The following PLXNA4 variants were observed in gnomAD, a reference collection of about 807,000 sequenced individuals.
The protein encoded by PLXNA4 is plexin-A4.
PLXNA4 carries 44 observed loss-of-function variants against 191.8 expected under a neutral mutation model. That is an observed-to-expected ratio of 0.23 (90% CI 0.18 to 0.29). The LOEUF is 0.29. Ranked by LOEUF, PLXNA4 falls within the 10% of genes least tolerant of loss-of-function variation. The probability of loss-of-function intolerance (pLI) is 1.00; values close to 1 mark genes in which losing one functional copy is unlikely to be tolerated. For synonymous variants in PLXNA4, 1,082 were observed against 1,009.5 expected (o/e 1.07, Z -1.36); for missense variants, 1,800 against 2,488.8 (o/e 0.72, Z 5.89).
At chr7:132,408,512 G>A (rs889682094) in intron 3 of PLXNA4, among the ~76,000 whole-genome samples, 2 of 151,386 alleles carry the variant, frequency 1.3e-5, no homozygotes, top group Admixed American at 1.3e-4. Context: ...CACCCAGGCT[G>A]GAGTGCAGTG....
At chr7:132,470,696 T>C (rs1427801251) in intron 3 of PLXNA4, among the ~76,000 whole-genome samples, 1 of 152,182 alleles carries the variant, frequency 6.6e-6, no homozygotes, top group Non-Finnish European at 1.5e-5. Flanking sequence ...CCAGCCTTGG[T>C]CAGAGGGAGG....
chr7:132,515,355 C>T (rs1027391920), intron 1 of PLXNA4, among the ~76,000 whole-genome samples: 1 of 152,172 alleles, frequency 6.6e-6, no homozygotes, highest in Non-Finnish European at 1.5e-5. Context: ...CAGCTCTATG[C>T]CTGTACTTTC....
At chr7:132,594,911 GTAGATAGATAGATAGA>G (rs71178042) in intron 2 of PLXNA4, among the ~76,000 whole-genome samples, 24,041 of 137,634 alleles carry the variant, frequency 0.17, 2,150 homozygotes, top group Non-Finnish European at 0.19. Flanking sequence ...AGATAGATAG[GTAGATAGATAGATAGA>G]TAGATAGATA....
intron 3 of PLXNA4, chr7:132,484,642 C>G (rs1282965968): frequency 8.7e-7 from 1 of 1,153,542 alleles, no homozygotes; most frequent in Non-Finnish European, 1.2e-6. Flanking sequence ...ACTACCTGAC[C>G]GAACCCTGTA....
chr7:132,467,779 C>A (rs1490891960), intron 3 of PLXNA4, among the ~76,000 whole-genome samples: 1 of 152,156 alleles, frequency 6.6e-6, no homozygotes, highest in Non-Finnish European at 1.5e-5. Context: ...CTTCAAATAA[C>A]CTCATTATTC....
intron 1 of PLXNA4, among the ~76,000 whole-genome samples, chr7:132,646,907 GTACACCAACA>G (rs553717614): frequency 1.1e-3 from 161 of 149,910 alleles, no homozygotes; most frequent in African/African-American, 3.8e-3. Context: ...GCATTCACAC[GTACACCAACA>G]TACACACACA....
rs111290243 is a variant in PLXNA4, at chr7:132,545,963, A to G, written c.-87+30459T>C. On this transcript the variant is annotated intron_variant, in intron 1 of 31. Coordinates refer to ENST00000321063, the MANE Select transcript of PLXNA4 (RefSeq NM_020911.2). ...CAGCAGTTGCCAACCAACCCCCAAA[A>G]CTGACCAGTGCTGAGTAGTCAGTCA... Among the ~76,000 whole-genome samples, 74 of 152,332 alleles carry G rather than the reference A, an allele frequency of 4.9e-4. 5 individuals carry two copies. The highest frequency in any genetic ancestry group is 3.4e-3 in the Middle Eastern group (1 of 294).
intron 2 of PLXNA4, among the ~76,000 whole-genome samples, chr7:132,586,229 T>C (rs1372570820): frequency 1.3e-5 from 2 of 152,196 alleles, no homozygotes; most frequent in African/African-American, 2.4e-5. Context: ...CATTTACTAA[T>C]GACTTGGATA....
intron 3 of PLXNA4, among the ~76,000 whole-genome samples, chr7:132,331,305 G>T (rs564426075): frequency 6.6e-6 from 1 of 152,354 alleles, no homozygotes; most frequent in South Asian, 2.1e-4. Flanking sequence ...TGGCAGAGGG[G>T]CTGAAACACC....
intron 3 of PLXNA4, among the ~76,000 whole-genome samples, chr7:132,439,926 G>C (rs571576694): frequency 1.3e-5 from 2 of 152,178 alleles, no homozygotes; most frequent in East Asian, 3.9e-4. Context: ...TATGGAATTA[G>C]GATAAATGCT....
intron 3 of PLXNA4, among the ~76,000 whole-genome samples, chr7:132,426,737 C>T (rs1162261781): frequency 6.6e-6 from 1 of 151,924 alleles, no homozygotes; most frequent in Non-Finnish European, 1.5e-5. Flanking sequence ...GAGTGCTCCC[C>T]AGAGGGTGAA....
chr7:132,408,705 A>T (rs1175732486), intron 3 of PLXNA4, among the ~76,000 whole-genome samples: 3 of 152,088 alleles, frequency 2.0e-5, no homozygotes, highest in Non-Finnish European at 4.4e-5. Flanking sequence ...ACCTCAAGTG[A>T]TCCACCAGCC....
At chr7:132,563,805 T>TCTC (rs1801528010) in intron 1 of PLXNA4, among the ~76,000 whole-genome samples, 2 of 32,768 alleles carry the variant, frequency 6.1e-5, no homozygotes, top group Non-Finnish European at 5.8e-5. Context: ...TCCTCCTCCT[T>TCTC]CTCCTCCTCC....
intron 14 of PLXNA4, among the ~76,000 whole-genome samples, chr7:132,188,127 A>G (rs1796940260): frequency 6.6e-6 from 1 of 152,076 alleles, no homozygotes; most frequent in African/African-American, 2.4e-5. Context: ...AGGTCTCTAC[A>G]AAGAGCTGCC....
chr7:132,217,786 C>T (rs1798010402), intron 9 of PLXNA4, among the ~76,000 whole-genome samples: 2 of 150,838 alleles, frequency 1.3e-5, no homozygotes, highest in African/African-American at 2.4e-5. Context: ...TGGGGAGGGG[C>T]AGGCAAGATT....
chr7:132,300,957 G>A (rs1270725985), intron 3 of PLXNA4, among the ~76,000 whole-genome samples: 1 of 152,214 alleles, frequency 6.6e-6, no homozygotes, highest in East Asian at 1.9e-4. Flanking sequence ...TCCTTAGGAT[G>A]AGGGGTTTGC....
At chr7:132,180,877 C>A in intron 18 of PLXNA4, 145 bp from the exon 19 acceptor site, 1 of 1,325,054 alleles carries the variant, frequency 7.5e-7, no homozygotes, top group Non-Finnish European at 1.0e-6. Flanking sequence ...AAAAAATATT[C>A]ATGGCATGAC....
At chr7:132,595,718 T>A (rs1802697580) in intron 2 of PLXNA4, among the ~76,000 whole-genome samples, 1 of 152,168 alleles carries the variant, frequency 6.6e-6, no homozygotes, top group Non-Finnish European at 1.5e-5. Context: ...ACAAAGAAGC[T>A]GCCATTCTTT....
At chr7:132,256,401 C>G (rs1237264024) in intron 4 of PLXNA4, among the ~76,000 whole-genome samples, 6 of 152,152 alleles carry the variant, frequency 3.9e-5, no homozygotes. Flanking sequence ...TTAACCTGGA[C>G]CAGGGTCTGG....
Sources: gnomAD v4.1 joint callset for allele counts (sites outside exome capture counted in the v4.1 genomes callset) on GRCh38, gnomAD v4.1.1 for gene constraint, MANE v1.5 for transcripts, NCBI Gene and HGNC (gene_info 2026-07-23, HGNC 2026-07-21) for gene names.